Variants in BAIAP2 observed in about 807,000 individuals in gnomAD.
The protein encoded by BAIAP2 is BAR/IMD domain containing adaptor protein 2.
BAIAP2 carries 18 observed loss-of-function variants against 63.0 expected under a neutral mutation model. The ratio of observed to expected loss-of-function variants is 0.29; its 90% CI spans 0.20 to 0.42. BAIAP2 has a LOEUF of 0.42. Among genes scored for constraint, BAIAP2 ranks in the 10% least tolerant of loss-of-function variants. The pLI is 1.00. For missense variants in BAIAP2, 610 were observed against 734.3 expected, an observed-to-expected ratio of 0.83 and a Z score of 1.96; for synonymous variants, 386 against 307.6, an observed-to-expected ratio of 1.25 and a Z score of -2.67.
intron 6 of BAIAP2, among the ~76,000 whole-genome samples, chr17:81,093,054 G>A (rs1291063701): frequency 3.3e-5 from 5 of 151,592 alleles, no homozygotes; most frequent in African/African-American, 1.2e-4. Flanking sequence ...AACCCAGGGT[G>A]GGAGGCGAGT....
rs777195289 is a variant in BAIAP2, at chr17:81,053,648, T to C, written c.55-20T>C. On this transcript the variant is annotated intron_variant, in intron 1 of 13. Transcript: ENST00000428708. ...GGTGACCTCTGCCAGTAATGCTGTT[T>C]CTTCTCTGCTTTCTTCCAGACCATC... The C allele has an allele frequency of 5.6e-6, 9 of 1,613,862 alleles. No individual in the cohort carries two copies. The South Asian group carries it at 9.9e-5, about 18-fold the overall frequency.
Position 81,116,021 on chromosome 17 carries a change from G to A in BAIAP2, c.*182G>A. 6.9e-7 allele frequency: 1 copy of A among 1,458,736 alleles called. No homozygotes were observed. The highest frequency in any genetic ancestry group is 9.0e-7 in the Non-Finnish European group (1 of 1,108,574). 90.4% of individuals were successfully genotyped at this position (1,458,736 alleles called of 1,614,324 possible). A position where few individuals can be genotyped will look rare whatever the true frequency, so the allele number is the denominator to read the frequency against. ...TTCTAGGCAGGGCCGGGCAGAGTGG[G>A]GCGCAGGCCCCTGAAGGGCGAGACC... On this transcript the variant is annotated 3_prime_UTR_variant, in exon 14 of 14. Coordinates refer to ENST00000428708, the MANE Select transcript of BAIAP2 (RefSeq NM_001144888.2).
chr17:81,086,310 C>A, intron 5 of BAIAP2, 133 bp from the exon 6 acceptor site: 1 of 1,116,542 alleles, frequency 9.0e-7, no homozygotes, highest in Non-Finnish European at 1.3e-6. Context: ...AGAGAGCGAG[C>A]CAGGAAGGGA....
intron 7 of BAIAP2, among the ~76,000 whole-genome samples, chr17:81,101,942 G>A (rs1319796958): frequency 6.6e-6 from 1 of 152,230 alleles, no homozygotes; most frequent in African/African-American, 2.4e-5. Flanking sequence ...GCCCTCTGGC[G>A]GGGGCCAGGC....
At chr17:81,073,202 G>A (rs751664975) in intron 3 of BAIAP2, among the ~76,000 whole-genome samples, 1 of 152,130 alleles carries the variant, frequency 6.6e-6, no homozygotes, top group Non-Finnish European at 1.5e-5. Flanking sequence ...CTCAGAGATC[G>A]AAGCCTCCTT....
intron 6 of BAIAP2, among the ~76,000 whole-genome samples, chr17:81,095,308 C>T (rs1219007377): frequency 6.6e-6 from 1 of 152,184 alleles, no homozygotes; most frequent in Non-Finnish European, 1.5e-5. Flanking sequence ...CCTGCACTTT[C>T]CACACAGCTC....
Position 81,116,537 on chromosome 17 carries a change from C to A in BAIAP2, c.*698C>A. 1.7e-6 allele frequency: 1 copy of A among 594,394 alleles called. No homozygotes were observed. Among genetic ancestry groups the A allele is most frequent in the Non-Finnish European group, 2.9e-6 (1 of 340,630 alleles). The allele number at this position is 594,394 out of a possible 1,614,324, so 36.8% of individuals were successfully genotyped here. A position where few individuals can be genotyped will look rare whatever the true frequency, so the allele number is the denominator to read the frequency against. On this transcript the variant is annotated 3_prime_UTR_variant, in exon 14 of 14. Transcript: ENST00000428708. ...GGGCCTCCCAGCTCGCTCCTGCGGC[C>A]AAAGGCCAGCTGTCAGGTGCTATGC...
chr17:81,053,610 T>C (rs2049013651), intron 1 of BAIAP2, 58 bp from the exon 2 acceptor site: 1 of 1,593,718 alleles, frequency 6.3e-7, no homozygotes, highest in African/African-American at 1.3e-5. Flanking sequence ...TTCGGACCCT[T>C]CGGAGTCACC....
At chr17:81,083,494 T>A (rs2054997954) in intron 3 of BAIAP2, 1 of 152,168 alleles carries the variant, frequency 6.6e-6, no homozygotes, top group Non-Finnish European at 1.5e-5. Context: ...TTCCGGCCCC[T>A]CCTCTGCAGA....
intron 10 of BAIAP2, chr17:81,105,362 C>T (rs2059051120): frequency 6.5e-6 from 1 of 153,910 alleles, no homozygotes; most frequent in Non-Finnish European, 1.4e-5. Context: ...CTGTGGTGGG[C>T]ATCAGTTTCC....
chr17:81,085,049 CGAA>C (rs754071444), intron 4 of BAIAP2, 156 bp downstream of exon 4: 102 of 744,820 alleles, frequency 1.4e-4, no homozygotes, highest in Middle Eastern at 7.1e-4. Flanking sequence ...AAGCCACACT[CGAA>C]GGAGGACGTC....
rs1018433320 is a variant in BAIAP2 at position 81,084,715 on chromosome 17, G to A, written c.218-117G>A. 5.4e-6 allele frequency: 5 copies of A among 933,538 alleles called. No individual in the cohort carries two copies. In the African/African-American group the frequency reaches 6.5e-5, roughly 12 times the overall value. The allele number at this position is 933,538 out of a possible 1,614,324, so 57.8% of individuals were successfully genotyped here. Reference sequence around the variant, plus strand: ...CCCTTCTGGCCCTGACACCCCGGGGGCCCTGCTGCCTGTGGTCACAGGGCT... The same window carrying A: ...CCCTTCTGGCCCTGACACCCCGGGGACCCTGCTGCCTGTGGTCACAGGGCT... On this transcript the variant is annotated intron_variant, in intron 3 of 13. Coordinates refer to ENST00000428708, the MANE Select transcript of BAIAP2 (RefSeq NM_001144888.2).
Position 81,053,763 on chromosome 17 carries a change from C to A in BAIAP2, c.130+20C>A. The A allele has an allele frequency of 6.2e-7, 1 of 1,613,088 alleles. No individual in the cohort carries two copies. Among genetic ancestry groups the A allele is most frequent in the Non-Finnish European group, 8.5e-7 (1 of 1,179,662 alleles). ...TGGCAGGTGGAACTGCGCCCGGGCC[C>A]CGTGGGGTGGGAGCTGCCTCCTGAG... On this transcript the variant is annotated intron_variant, in intron 2 of 13. Coordinates refer to ENST00000428708, the MANE Select transcript of BAIAP2 (RefSeq NM_001144888.2).
At chr17:81,099,735 T>C (rs2058234851) in intron 6 of BAIAP2, among the ~76,000 whole-genome samples, 193 bp from the exon 7 acceptor site, 1 of 152,058 alleles carries the variant, frequency 6.6e-6, no homozygotes, top group Admixed American at 6.6e-5. Context: ...GGGCATCTCC[T>C]GAGTGGTCCC....
intron 13 of BAIAP2, among the ~76,000 whole-genome samples, chr17:81,111,785 C>G (rs1178133293): frequency 6.6e-6 from 1 of 152,254 alleles, no homozygotes; most frequent in Non-Finnish European, 1.5e-5. Context: ...CCACACCTTC[C>G]AATCGCCTAC....
At position 81,057,974 on chromosome 17, in the gene BAIAP2, C is replaced by CCT; in HGVS notation, c.217+8_217+9insTC. 1.8e-5 allele frequency: 1 copy of CCT among 56,658 alleles called. No homozygotes were observed. Among genetic ancestry groups the CCT allele is most frequent in the Non-Finnish European group, 2.3e-5 (1 of 43,258 alleles). The allele number at this position is 56,658 out of a possible 1,614,324, so 3.5% of individuals were successfully genotyped here. A position where few individuals can be genotyped will look rare whatever the true frequency, so the allele number is the denominator to read the frequency against. ...CAGGGCTCCAAAGAACTCGGTGAGACCCCCCCCCCCCCCCCGCCTGGTAGT... is the reference window on the plus strand; with the variant it reads ...CAGGGCTCCAAAGAACTCGGTGAGACCTCCCCCCCCCCCCCCCGCCTGGTAGT... On this transcript the variant is annotated splice_region_variant and intron_variant, in intron 3 of 13. Transcript: ENST00000428708.
At chr17:81,061,055 C>A (rs1277759953) in intron 3 of BAIAP2, among the ~76,000 whole-genome samples, 1 of 152,138 alleles carries the variant, frequency 6.6e-6, no homozygotes, top group African/African-American at 2.4e-5. Context: ...ACCTGGGAGG[C>A]GGAGGTTGCA....
intron 3 of BAIAP2, among the ~76,000 whole-genome samples, chr17:81,067,407 G>A (rs1320512242): frequency 1.3e-5 from 2 of 152,220 alleles, no homozygotes; most frequent in Non-Finnish European, 2.9e-5. Context: ...CATGGTGGGC[G>A]GGTGGAGGGC....
intron 3 of BAIAP2, among the ~76,000 whole-genome samples, chr17:81,071,256 C>T (rs983165727): frequency 6.6e-6 from 1 of 152,178 alleles, no homozygotes; most frequent in African/African-American, 2.4e-5. Flanking sequence ...GAGGTGGCGT[C>T]CTTGGGCTTT....
Sources: gnomAD v4.1 joint callset for allele counts (sites outside exome capture counted in the v4.1 genomes callset) on GRCh38, gnomAD v4.1.1 for gene constraint, MANE v1.5 for transcripts, NCBI Gene and HGNC (gene_info 2026-07-23, HGNC 2026-07-21) for gene names.